The following EPHB1 variants were observed in gnomAD, a reference collection of about 807,000 sequenced individuals.
EPHB1 encodes the protein ephrin type-B receptor 1.
A neutral mutation model predicts 94.4 loss-of-function variants in EPHB1; 30 were observed. The ratio of observed to expected loss-of-function variants is 0.32; its 90% confidence interval spans 0.24 to 0.43. EPHB1 has a LOEUF of 0.43. Among genes scored for constraint, EPHB1 ranks in the 20% least tolerant of loss-of-function variants. The pLI is 1.00. For synonymous variants in EPHB1, 522 were observed against 489.1 expected, an observed-to-expected ratio of 1.07 and a Z score of -0.89; for missense variants, 1,055 against 1,308.3, an observed-to-expected ratio of 0.81 and a Z score of 2.99.
intron 3 of EPHB1, among the ~76,000 whole-genome samples, chr3:135,056,807 T>C (rs575969028): frequency 6.6e-6 from 1 of 152,292 alleles, no homozygotes; most frequent in East Asian, 1.9e-4. Context: ...GGCTGGGCTC[T>C]GGGAGTAGGG....
intron 3 of EPHB1, among the ~76,000 whole-genome samples, chr3:135,055,664 C>A (rs969861383): frequency 1.3e-5 from 2 of 152,188 alleles, no homozygotes; most frequent in African/African-American, 4.8e-5. Context: ...CCTGGTAAGT[C>A]CCTGTCCTGA....
chr3:134,907,498 T>C (rs2038357131), intron 1 of EPHB1, among the ~76,000 whole-genome samples: 1 of 152,214 alleles, frequency 6.6e-6, no homozygotes, highest in African/African-American at 2.4e-5. Flanking sequence ...TGAAGTTCCG[T>C]GTCATTTTGC....
At chr3:134,987,287 T>G (rs1934633872) in intron 3 of EPHB1, among the ~76,000 whole-genome samples, 1 of 152,176 alleles carries the variant, frequency 6.6e-6, no homozygotes, top group Non-Finnish European at 1.5e-5. Context: ...CCCTTAAAAT[T>G]CCTGTGTTGG....
At chr3:134,935,770 A>C (rs898310585) in intron 2 of EPHB1, among the ~76,000 whole-genome samples, 2 of 152,178 alleles carry the variant, frequency 1.3e-5, no homozygotes, top group African/African-American at 4.8e-5. Context: ...ATAGGTTGTG[A>C]TTCTTACATG....
intron 3 of EPHB1, among the ~76,000 whole-genome samples, chr3:135,045,107 C>T (rs1297983205): frequency 6.6e-6 from 1 of 152,080 alleles, no homozygotes; most frequent in Non-Finnish European, 1.5e-5. Context: ...TTCACAATAA[C>T]ACTTAGAGAT....
At chr3:134,796,093 G>C in intron 1 of EPHB1, 1 of 269,512 alleles carries the variant, frequency 3.7e-6, no homozygotes, top group Non-Finnish European at 7.0e-6. Context: ...ACTGGCGCCC[G>C]TCTGCTCCCA....
At position 135,021,415 on chromosome 3, in the gene EPHB1, G is replaced by A. The variant is rs746769260; in HGVS notation, c.805+69363G>A. Among the ~76,000 whole-genome samples the A allele has an allele frequency of 2.2e-4, 33 of 151,934 alleles. 1 individual carries two copies. The highest frequency in any genetic ancestry group is 7.9e-4 in the Admixed American group (12 of 15,252). On this transcript the variant is annotated intron_variant, in intron 3 of 15. Coordinates refer to ENST00000398015, the MANE Select transcript of EPHB1 (RefSeq NM_004441.5). ...CTGTGCCACAATTTAGGGCCTTCCC[G>A]ATGTCTTTGATTGCTTTTGATTTTT...
intron 1 of EPHB1, among the ~76,000 whole-genome samples, chr3:134,796,847 T>C (rs939941403): frequency 3.3e-5 from 5 of 152,378 alleles, no homozygotes; most frequent in African/African-American, 1.2e-4. Flanking sequence ...GAGCAGCTCT[T>C]GGCGACCGCG....
At chr3:134,815,300 T>C (rs900037677) in intron 1 of EPHB1, among the ~76,000 whole-genome samples, 5 of 152,076 alleles carry the variant, frequency 3.3e-5, no homozygotes, top group African/African-American at 1.2e-4. Context: ...TATTGAGGAA[T>C]TAAGGAGTAA....
intron 2 of EPHB1, among the ~76,000 whole-genome samples, chr3:134,929,646 G>A (rs921078200): frequency 2.0e-5 from 3 of 152,138 alleles, no homozygotes; most frequent in African/African-American, 7.2e-5. Flanking sequence ...CCAGCCCAGG[G>A]GCCCCAGATG....
chr3:134,815,208 A>G (rs1261287406), intron 1 of EPHB1, among the ~76,000 whole-genome samples: 3 of 152,234 alleles, frequency 2.0e-5, no homozygotes, highest in Non-Finnish European at 4.4e-5. Flanking sequence ...AGATGAAAGT[A>G]TTATAACAAA....
intron 10 of EPHB1, among the ~76,000 whole-genome samples, chr3:135,191,951 C>G (rs1044219478): frequency 3.9e-5 from 6 of 152,188 alleles, no homozygotes; most frequent in Non-Finnish European, 7.4e-5. Context: ...CTCTGGCTCT[C>G]CCTTTGGGTT....
At chr3:135,088,925 C>G (rs1269053288) in intron 3 of EPHB1, among the ~76,000 whole-genome samples, 1 of 152,126 alleles carries the variant, frequency 6.6e-6, no homozygotes, top group African/African-American at 2.4e-5. Flanking sequence ...TTATTTCATG[C>G]CAGATATTGT....
intron 3 of EPHB1, among the ~76,000 whole-genome samples, chr3:134,964,870 T>A (rs1933669323): frequency 6.6e-6 from 1 of 152,258 alleles, no homozygotes. Context: ...AGTGAATGGC[T>A]ATTTCCATTC....
intron 1 of EPHB1, among the ~76,000 whole-genome samples, chr3:134,883,168 T>G (rs1345501282): frequency 6.6e-6 from 1 of 152,224 alleles, no homozygotes; most frequent in African/African-American, 2.4e-5. Context: ...GAAAGGTCCC[T>G]TGCTTTGCTA....
chr3:135,237,185 G>T (rs558578813), intron 12 of EPHB1, among the ~76,000 whole-genome samples: 1 of 152,038 alleles, frequency 6.6e-6, no homozygotes, highest in East Asian at 1.9e-4. Context: ...ACACCTGCTG[G>T]CAGGTGTGGA....
At chr3:135,144,925 G>C (rs1576424224) in intron 5 of EPHB1, among the ~76,000 whole-genome samples, 1 of 152,214 alleles carries the variant, frequency 6.6e-6, no homozygotes, top group South Asian at 2.1e-4. Flanking sequence ...GCAAAGCCCA[G>C]AGTAAAAGCA....
At chr3:134,903,533 G>A (rs1159936597) in intron 1 of EPHB1, among the ~76,000 whole-genome samples, 3 of 152,172 alleles carry the variant, frequency 2.0e-5, no homozygotes, top group South Asian at 2.1e-4. Flanking sequence ...GCTTGGGATC[G>A]CTGCTGCCCT....
intron 10 of EPHB1, among the ~76,000 whole-genome samples, chr3:135,181,966 G>A (rs1432601900): frequency 6.6e-6 from 1 of 152,070 alleles, no homozygotes; most frequent in African/African-American, 2.4e-5. Context: ...AAAGACCTCT[G>A]CCCAGTTACT....
Sources: gnomAD v4.1 joint callset for allele counts (sites outside exome capture counted in the v4.1 genomes callset) on GRCh38, gnomAD v4.1.1 for gene constraint, MANE v1.5 for transcripts, NCBI Gene and HGNC (gene_info 2026-07-23, HGNC 2026-07-21) for gene names.